The following PHF21B variants were observed in gnomAD, a reference collection of about 807,000 sequenced individuals.
PHF21B encodes the protein PHD finger protein 4.
PHF21B carries 22 observed loss-of-function variants against 62.2 expected under a neutral mutation model. The ratio of observed to expected loss-of-function variants is 0.35; its 90% CI spans 0.25 to 0.51. The LOEUF is 0.51. Ranked by LOEUF, PHF21B falls within the 20% of genes least tolerant of loss-of-function variation. The pLI is 0.97. For missense variants in PHF21B, 701 were observed against 707.9 expected (o/e 0.99, Z 0.11); for synonymous variants, 341 against 314.7 (o/e 1.08, Z -0.88).
intron 2 of PHF21B, among the ~76,000 whole-genome samples, chr22:44,921,072 T>C (rs1263033578): frequency 1.3e-5 from 2 of 152,256 alleles, no homozygotes; most frequent in Non-Finnish European, 2.9e-5. Flanking sequence ...TTCAGGCCCT[T>C]GGTGCATATC....
chr22:44,885,814 GGGA>G, intron 11 of PHF21B, 46 bp downstream of exon 11: 1 of 1,573,840 alleles, frequency 6.4e-7, no homozygotes, highest in Non-Finnish European at 8.7e-7. Flanking sequence ...GCCTGGGTGG[GGGA>G]GGAGGGGGAG....
chr22:44,915,788 G>A (rs2071421662), intron 4 of PHF21B, among the ~76,000 whole-genome samples: 1 of 152,234 alleles, frequency 6.6e-6, no homozygotes, highest in Non-Finnish European at 1.5e-5. Flanking sequence ...GGAGCTCGGA[G>A]GGGAGCAGCG....
intron 5 of PHF21B, among the ~76,000 whole-genome samples, chr22:44,909,927 C>T (rs1214758498): frequency 3.9e-5 from 6 of 152,208 alleles, no homozygotes; most frequent in Admixed American, 1.3e-4. Flanking sequence ...TCACGACACA[C>T]GCATTTTTGA....
At chr22:44,973,476 G>A (rs777002744) in intron 2 of PHF21B, among the ~76,000 whole-genome samples, 1 of 152,242 alleles carries the variant, frequency 6.6e-6, no homozygotes, top group African/African-American at 2.4e-5. Flanking sequence ...AGTGAGGACA[G>A]GCTGCTGGAG....
chr22:44,908,105 G>A lies in PHF21B; in HGVS notation c.831+5717C>T, dbSNP rs540401491. 4.6e-5 allele frequency among the ~76,000 whole-genome samples: 7 copies of A among 152,302 alleles called. No homozygotes were observed. The East Asian group carries it at 5.8e-4, about 13-fold the overall frequency. On this transcript the variant is annotated intron_variant, in intron 5 of 12. Transcript: ENST00000313237. Reference sequence around the variant, plus strand: ...TCGGGCAGCCTCTTCACGACTGAGCGGTTCGGGTCCTGAGCAGTAGGTTCT... The same window carrying A: ...TCGGGCAGCCTCTTCACGACTGAGCAGTTCGGGTCCTGAGCAGTAGGTTCT...
rs1001809926 is a variant in PHF21B, at chr22:45,009,603, T to G, written c.-54A>C. On this transcript the variant is annotated 5_prime_UTR_variant, in exon 1 of 13. Coordinates refer to ENST00000313237, the MANE Select transcript of PHF21B (RefSeq NM_138415.5). The surrounding 1 kb of genome is among the most constrained non-coding windows in gnomAD (Gnocchi z 5.9). ...CACTTTGGCCCGGGCTCCCGGGAAG[T>G]TGCGCGGCTCCGCGGGGGCCAGAGC... 1 of 1,503,362 alleles carries G rather than the reference T, an allele frequency of 6.7e-7. No homozygotes were observed. Among genetic ancestry groups the G allele is most frequent in the African/African-American group, 1.4e-5 (1 of 69,526 alleles). The allele number at this position is 1,503,362 out of a possible 1,614,324, so 93.1% of individuals were successfully genotyped here.
In PHF21B at chr22:44,924,471, G is replaced by A. The variant is rs116338623; in HGVS notation, c.121-3981C>T. Among the ~76,000 whole-genome samples, 1,041 of 152,304 alleles carry A rather than the reference G, an allele frequency of 6.8e-3. 11 individuals carry two copies. Among genetic ancestry groups the A allele is most frequent in the African/African-American group, 0.024 (991 of 41,568 alleles). On this transcript the variant is annotated intron_variant, in intron 2 of 12. Coordinates refer to ENST00000313237, the MANE Select transcript of PHF21B (RefSeq NM_138415.5). ...CCTCAATGTGATGGTATTTGGAGAT[G>A]GGGCCTCCGGGAGGTGATCCGGTCA... is the stretch of plus-strand genomic sequence containing the variant.
chr22:44,915,846 T>C (rs1385471115), intron 4 of PHF21B, among the ~76,000 whole-genome samples: 1 of 152,128 alleles, frequency 6.6e-6, no homozygotes, highest in African/African-American at 2.4e-5. Context: ...TTATGGGAGA[T>C]TGTGCACTTG....
chr22:44,939,013 GCA>G (rs1275957342), intron 2 of PHF21B, among the ~76,000 whole-genome samples: 1 of 152,226 alleles, frequency 6.6e-6, no homozygotes, highest in Non-Finnish European at 1.5e-5. Context: ...CTGCTGGGCT[GCA>G]CACACACGGC....
chr22:44,888,454 G>C (rs1192201145), intron 9 of PHF21B, among the ~76,000 whole-genome samples: 1 of 151,966 alleles, frequency 6.6e-6, no homozygotes, highest in Non-Finnish European at 1.5e-5. Flanking sequence ...AAGGCAGGCT[G>C]TCCTGCTGCG....
At chr22:44,919,753 G>C (rs1273969826) in intron 3 of PHF21B, among the ~76,000 whole-genome samples, 2 of 152,248 alleles carry the variant, frequency 1.3e-5, no homozygotes, top group Admixed American at 1.3e-4. Context: ...CTCTGTACCA[G>C]GCACGGTTAC....
intron 2 of PHF21B, among the ~76,000 whole-genome samples, chr22:44,993,042 C>T (rs182939451): frequency 9.8e-5 from 15 of 152,344 alleles, no homozygotes; most frequent in Admixed American, 3.9e-4. Flanking sequence ...GACACCTCCA[C>T]TCTGCCACTC....
chr22:44,996,212 T>G (rs1287791809), intron 2 of PHF21B, among the ~76,000 whole-genome samples: 1 of 152,044 alleles, frequency 6.6e-6, no homozygotes, highest in Admixed American at 6.5e-5. Context: ...ACAGCTTCGG[T>G]GTCTGCCATC....
At chr22:44,901,033 C>T (rs2071150103) in intron 5 of PHF21B, among the ~76,000 whole-genome samples, 1 of 152,260 alleles carries the variant, frequency 6.6e-6, no homozygotes, top group African/African-American at 2.4e-5. Context: ...GTCTGTCAAA[C>T]TCAATCCTGT....
chr22:44,921,956 G>A (rs1393193243), intron 2 of PHF21B, among the ~76,000 whole-genome samples: 1 of 152,178 alleles, frequency 6.6e-6, no homozygotes, highest in Non-Finnish European at 1.5e-5. Flanking sequence ...ACCGCGCCCG[G>A]TCCTGATGGA....
intron 2 of PHF21B, among the ~76,000 whole-genome samples, chr22:44,924,080 GAGGGGA>G (rs1250505349): frequency 2.0e-3 from 56 of 28,588 alleles, no homozygotes; most frequent in African/African-American, 3.9e-3. Flanking sequence ...GGGGAGGGAA[GAGGGGA>G]GGAAGGAGGA....
intron 6 of PHF21B, among the ~76,000 whole-genome samples, chr22:44,895,024 C>T (rs1293834975): frequency 6.6e-6 from 1 of 152,252 alleles, no homozygotes; most frequent in Non-Finnish European, 1.5e-5. Context: ...TCACTTCATT[C>T]CCTCTTGCTT....
rs972923720 is a variant in PHF21B, at chr22:44,881,211, T to C, written c.*1875A>G. Reference sequence around the variant, plus strand: ...TACATTGTAAAGAAGGAAAACTACATTGGCGTATTTAAGACAAACACTTTT... The same window carrying C: ...TACATTGTAAAGAAGGAAAACTACACTGGCGTATTTAAGACAAACACTTTT... On this transcript the variant is annotated 3_prime_UTR_variant, in exon 13 of 13. Transcript: ENST00000313237. 1.3e-5 allele frequency: 2 copies of C among 152,656 alleles called. No homozygotes were observed. The allele number at this position is 152,656 out of a possible 1,614,324, so 9.5% of individuals were successfully genotyped here. A position where few individuals can be genotyped will look rare whatever the true frequency, so the allele number is the denominator to read the frequency against.
chr22:44,926,338 G>A (rs1019353590), intron 2 of PHF21B, among the ~76,000 whole-genome samples: 1 of 152,264 alleles, frequency 6.6e-6, no homozygotes, highest in African/African-American at 2.4e-5. Context: ...CAGGCCGTGG[G>A]GCCCCGGGGA....
Sources: allele counts gnomAD v4.1 joint callset (sites outside exome capture counted in the v4.1 genomes callset), GRCh38; gene constraint gnomAD v4.1.1; non-coding constraint Gnocchi (gnomAD v3.1); transcripts MANE v1.5; gene names NCBI Gene and HGNC (gene_info 2026-07-23, HGNC 2026-07-21).